PPFIA1: variants seen among roughly 807,000 people sequenced by gnomAD.
The protein encoded by PPFIA1 is liprin-alpha-1.
In PPFIA1, 25 loss-of-function variants were observed where a neutral mutation model predicts 149.9. The ratio of observed to expected loss-of-function variants is 0.17; its 90% CI spans 0.12 to 0.23. The LOEUF is 0.23. Ranked by LOEUF, PPFIA1 falls within the 10% of genes least tolerant of loss-of-function variation. PPFIA1 has a pLI of 1.00. For synonymous variants in PPFIA1, 549 were observed against 552.8 expected, an observed-to-expected ratio of 0.99 and a Z score of 0.10; for missense variants, 1,362 against 1,506.5, an observed-to-expected ratio of 0.90 and a Z score of 1.59.
At chr11:70,302,749 C>A (rs149053619) in intron 2 of PPFIA1, among the ~76,000 whole-genome samples, 21 of 151,366 alleles carry the variant, frequency 1.4e-4, no homozygotes, top group Admixed American at 1.3e-3. Flanking sequence ...GTAAATGTAG[C>A]CGTAGATACT....
chr11:70,315,058 G>A (rs1456163682), intron 2 of PPFIA1, among the ~76,000 whole-genome samples: 2 of 152,154 alleles, frequency 1.3e-5, no homozygotes, highest in East Asian at 3.8e-4. Flanking sequence ...TGGGGTAACC[G>A]CCCTCATGAT....
chr11:70,376,524 T>C lies in PPFIA1; in HGVS notation c.3316-8T>C. On this transcript the variant is annotated splice_region_variant and splice_polypyrimidine_tract_variant and intron_variant, in intron 24 of 27. Coordinates refer to ENST00000253925, the MANE Select transcript of PPFIA1 (RefSeq NM_003626.5). The stretch of plus-strand genomic sequence containing the variant: ...AAAGTTTTATTTGTTTTTCTTTGGT[T>C]ATTTCAGGCTCGTGCTGTCTTGGAA... 2 of 1,610,820 alleles carry C rather than the reference T, an allele frequency of 1.2e-6. No homozygotes were observed. The highest frequency in any genetic ancestry group is 1.7e-6 in the Non-Finnish European group (2 of 1,176,976).
intron 2 of PPFIA1, among the ~76,000 whole-genome samples, chr11:70,300,289 A>G (rs535859982): frequency 3.3e-4 from 51 of 152,274 alleles, no homozygotes; most frequent in Admixed American, 7.8e-4. Flanking sequence ...TTTCTCCGCC[A>G]GTTCCTACTG....
chr11:70,354,187 G>A (rs1260897017), intron 16 of PPFIA1, 114 bp from the exon 17 acceptor site: 2 of 1,112,378 alleles, frequency 1.8e-6, no homozygotes, highest in Non-Finnish European at 2.6e-6. Flanking sequence ...AAGACTTTCT[G>A]TGCTGGCAGA....
intron 2 of PPFIA1, among the ~76,000 whole-genome samples, chr11:70,300,987 T>A (rs1305796099): frequency 6.6e-6 from 1 of 152,202 alleles, no homozygotes; most frequent in African/African-American, 2.4e-5. Flanking sequence ...GGGTTTACTG[T>A]GTAAACAGGC....
chr11:70,319,114 G>A (rs374166787), intron 2 of PPFIA1, among the ~76,000 whole-genome samples: 1 of 152,116 alleles, frequency 6.6e-6, no homozygotes, highest in African/African-American at 2.4e-5. Flanking sequence ...TACTCTTCCC[G>A]TAGTCACTCC....
chr11:70,373,744 A>G (rs544489416), intron 23 of PPFIA1: 1 of 152,180 alleles, frequency 6.6e-6, no homozygotes, highest in South Asian at 2.1e-4. Flanking sequence ...TTTCATCCCC[A>G]CTTTATACTA....
intron 2 of PPFIA1, among the ~76,000 whole-genome samples, chr11:70,280,380 C>T (rs918691926): frequency 6.6e-6 from 1 of 151,898 alleles, no homozygotes; most frequent in African/African-American, 2.4e-5. Flanking sequence ...ACCAGCCTGG[C>T]CAACATGGTG....
rs148463033 is a variant in PPFIA1, at chr11:70,284,853, T to G, written c.264+12417T>G. On this transcript the variant is annotated intron_variant, in intron 2 of 27. Transcript: ENST00000253925. Reference sequence around the variant, plus strand: ...AAGGGAAGAGTGAACATGGTAAGGTTGGCTAGGTAGGTTGGGATGGGATCA... The same window carrying G: ...AAGGGAAGAGTGAACATGGTAAGGTGGGCTAGGTAGGTTGGGATGGGATCA... 1.3e-3 allele frequency among the ~76,000 whole-genome samples: 199 copies of G among 152,242 alleles called. 1 individual carries two copies. Among genetic ancestry groups the G allele is most frequent in the Non-Finnish European group, 1.9e-3 (131 of 68,002 alleles).
At chr11:70,334,743 C>T (rs1312332997) in intron 10 of PPFIA1, 1 of 152,248 alleles carries the variant, frequency 6.6e-6, no homozygotes, top group African/African-American at 2.4e-5. Flanking sequence ...GCTGATGGCG[C>T]GGTCTCATGG....
intron 17 of PPFIA1, 67 bp from the exon 18 acceptor site, chr11:70,355,572 T>G: frequency 6.9e-7 from 1 of 1,440,856 alleles, no homozygotes; most frequent in South Asian, 1.4e-5. Context: ...TAGGGAAGTT[T>G]GCGACTGTTA....
At chr11:70,382,001 A>G (rs1046293181) in intron 26 of PPFIA1, 87 bp from the exon 27 acceptor site, 9 of 1,154,608 alleles carry the variant, frequency 7.8e-6, no homozygotes, top group Admixed American at 3.7e-5. Context: ...AGGTGTGAAG[A>G]TGTGTGTCTA....
intron 2 of PPFIA1, among the ~76,000 whole-genome samples, chr11:70,308,826 A>G (rs1242970481): frequency 6.6e-6 from 1 of 152,172 alleles, no homozygotes; most frequent in Non-Finnish European, 1.5e-5. Flanking sequence ...CTGTAGTCCT[A>G]GCTACTTGGG....
chr11:70,286,079 C>T (rs2051098987), intron 2 of PPFIA1, among the ~76,000 whole-genome samples: 1 of 152,168 alleles, frequency 6.6e-6, no homozygotes, highest in Admixed American at 6.5e-5. Context: ...GCCCACTGTA[C>T]TCCTCCACTC....
intron 13 of PPFIA1, among the ~76,000 whole-genome samples, 200 bp from the exon 14 acceptor site, chr11:70,338,971 A>G (rs1200755431): frequency 3.3e-5 from 5 of 152,170 alleles, no homozygotes; most frequent in East Asian, 3.9e-4. Context: ...AGAGCTTTCT[A>G]CCTGGTAGGG....
At chr11:70,367,021 A>G (rs771182945) in intron 21 of PPFIA1, among the ~76,000 whole-genome samples, 3 of 152,238 alleles carry the variant, frequency 2.0e-5, no homozygotes, top group Non-Finnish European at 4.4e-5. Context: ...TGAATTATAC[A>G]GGGTACATTT....
chr11:70,324,575 G>A (rs71467481), intron 3 of PPFIA1, 72 bp downstream of exon 3: 27,329 of 1,291,424 alleles, frequency 0.021, 357 homozygotes, highest in Non-Finnish European at 0.024. Flanking sequence ...GTGTCAAAAC[G>A]AAAGGACGAC....
At chr11:70,362,215 G>A in intron 20 of PPFIA1, 39 bp downstream of exon 20, 2 of 1,612,586 alleles carry the variant, frequency 1.2e-6, no homozygotes, top group South Asian at 1.1e-5. Flanking sequence ...GTGGGTTACA[G>A]TATGTGAACT....
At chr11:70,296,101 G>T (rs961235535) in intron 2 of PPFIA1, among the ~76,000 whole-genome samples, 6 of 151,934 alleles carry the variant, frequency 3.9e-5, no homozygotes, top group Non-Finnish European at 8.8e-5. Flanking sequence ...GGGCAGAGAC[G>T]CTCCTCACTT....
Sources: allele counts gnomAD v4.1 joint callset (sites outside exome capture counted in the v4.1 genomes callset), GRCh38; gene constraint gnomAD v4.1.1; transcripts MANE v1.5; gene names NCBI Gene and HGNC (gene_info 2026-07-23, HGNC 2026-07-21).